ATM: variants seen among roughly 807,000 people sequenced by gnomAD.
ATM encodes the protein serine-protein kinase ATM.
A neutral mutation model predicts 387.0 loss-of-function variants in ATM; 308 were observed. The observed-to-expected ratio is 0.80, with a 90% CI of 0.73 to 0.87. The LOEUF is 0.87. Among genes scored for constraint, ATM ranks in the 40% least tolerant of loss-of-function variants. The pLI, the probability that ATM is intolerant of heterozygous loss-of-function variation, is 0.00. For missense variants in ATM, 3,312 were observed against 3,560.9 expected (o/e 0.93, Z 1.78); for synonymous variants, 1,156 against 1,187.3 (o/e 0.97, Z 0.54).
At chr11:108,327,615 A>G (rs1182109394) in intron 47 of ATM, 30 bp from the exon 48 acceptor site, 2 of 1,553,704 alleles carry the variant, frequency 1.3e-6, no homozygotes, top group Admixed American at 3.3e-5. Context: ...GTAATGCATT[A>G]TATTTTAAGA....
chr11:108,237,614 C>T (rs2079343122), intron 5 of ATM, among the ~76,000 whole-genome samples: 1 of 152,036 alleles, frequency 6.6e-6, no homozygotes, highest in African/African-American at 2.4e-5. Context: ...GTGGAAGAAG[C>T]GAAGTCTGTG....
intron 59 of ATM, among the ~76,000 whole-genome samples, chr11:108,351,647 C>A (rs761982836): frequency 1.3e-4 from 20 of 152,106 alleles, no homozygotes; most frequent in Non-Finnish European, 2.6e-4. Flanking sequence ...ACAATAGTGT[C>A]CTGGACCTAC....
chr11:108,365,055 T>C, intron 61 of ATM, 27 bp from the exon 62 acceptor site: 1 of 1,612,162 alleles, frequency 6.2e-7, no homozygotes, highest in Non-Finnish European at 8.5e-7. Context: ...ACATTGTTCT[T>C]TTAATACATA....
rs1164027219 is a variant in ATM at position 108,248,816 on chromosome 11, A to T, written c.1066-117A>T. ...GGCAGGAGAATCACTTGAACCTGGG[A>T]GGTAGAGGTTGTGGTGATACGAGAT... On this transcript the variant is annotated intron_variant, in intron 8 of 62. Transcript: ENST00000675843. The T allele has an allele frequency of 6.1e-6, 5 of 817,108 alleles. No homozygotes were observed. The East Asian group carries it at 1.4e-4, about 22-fold the overall frequency. 50.6% of individuals were successfully genotyped at this position (817,108 alleles called of 1,614,324 possible).
intron 61 of ATM, among the ~76,000 whole-genome samples, chr11:108,363,444 T>C (rs1053130267): frequency 5.9e-5 from 9 of 152,192 alleles, no homozygotes; most frequent in Non-Finnish European, 8.8e-5. Flanking sequence ...TAAGGAAATA[T>C]ATCTCTCCCT....
rs370680798 is a variant in ATM at position 108,307,915 on chromosome 11, G to A, written c.5693G>A (p.Arg1898Gln). Residue 1898 changes from arginine (R) to glutamine (Q), a missense_variant, in exon 38 of 63, where the codon CGA becomes CAA. Arg to Gln is a conservative substitution (Grantham distance 43). Transcript: ENST00000675843. ...TTGTCAGAGTCAGAGCACTTTTTCC[G>A]ATGCTGTTTGGATAAAAAATCACAA... ...NLDSESEHFF[R>Q]CCLDKKSQRT... 227 of 1,613,628 alleles carry A rather than the reference G, an allele frequency of 1.4e-4. 3 individuals are homozygous for A. The South Asian group carries it at 1.8e-3, about 13-fold the overall frequency.
At chr11:108,267,712 ATG>A (rs1455976310) in intron 17 of ATM, among the ~76,000 whole-genome samples, 296 of 152,094 alleles carry the variant, frequency 1.9e-3, no homozygotes, top group Non-Finnish European at 3.5e-3. Context: ...CAAAAATTAG[ATG>A]GGCGTGGTGG....
intron 47 of ATM, 136 bp from the exon 48 acceptor site, chr11:108,327,509 A>G (rs2085790199): frequency 1.5e-6 from 1 of 666,852 alleles, no homozygotes; most frequent in African/African-American, 1.8e-5. Flanking sequence ...TGGCAAAAGC[A>G]GATGAGGAAA....
intron 40 of ATM, among the ~76,000 whole-genome samples, chr11:108,315,595 A>G (rs949487991): frequency 9.2e-5 from 14 of 152,108 alleles, no homozygotes; most frequent in African/African-American, 2.7e-4. Flanking sequence ...AAAGTTTTCA[A>G]TATATTTATT....
intron 59 of ATM, among the ~76,000 whole-genome samples, chr11:108,352,288 A>G (rs2089303405): frequency 6.6e-6 from 1 of 152,234 alleles, no homozygotes; most frequent in African/African-American, 2.4e-5. Context: ...ATTAAAATAT[A>G]GTAAGTCTCA....
chr11:108,279,349 GTT>G, intron 22 of ATM, 140 bp from the exon 23 acceptor site: 1 of 678,080 alleles, frequency 1.5e-6, no homozygotes, highest in East Asian at 2.7e-5. Flanking sequence ...CTCAGGTTTT[GTT>G]AGTCTTTAAG....
At chr11:108,229,635 G>A in intron 4 of ATM, 1 of 252,490 alleles carries the variant, frequency 4.0e-6, no homozygotes, top group Non-Finnish European at 7.6e-6. Flanking sequence ...TCAAATATTT[G>A]GGGAAATTTA....
At chr11:108,320,213 C>G (rs2085103493) in intron 44 of ATM, among the ~76,000 whole-genome samples, 155 bp downstream of exon 44, 1 of 152,200 alleles carries the variant, frequency 6.6e-6, no homozygotes, top group South Asian at 2.1e-4. Context: ...ATTCTCTGCC[C>G]TCCTTCAAAA....
At chr11:108,361,956 AT>A (rs1472630415) in intron 61 of ATM, among the ~76,000 whole-genome samples, 1 of 139,484 alleles carries the variant, frequency 7.2e-6, no homozygotes, top group Non-Finnish European at 1.6e-5. Flanking sequence ...ATGGGATCTA[AT>A]TAAACTAAAG....
intron 4 of ATM, among the ~76,000 whole-genome samples, chr11:108,233,150 C>T (rs537613996): frequency 1.2e-4 from 18 of 152,350 alleles, no homozygotes; most frequent in South Asian, 4.1e-4. Context: ...GCGTGAGCCA[C>T]TGTGCCCACC....
At chr11:108,274,590 A>G (rs142334717) in intron 22 of ATM, among the ~76,000 whole-genome samples, 1,961 of 152,300 alleles carry the variant, frequency 0.013, 53 homozygotes, top group African/African-American at 0.044. Flanking sequence ...ATTGGTTTCA[A>G]AGAACTTACT....
intron 49 of ATM, 148 bp downstream of exon 49, chr11:108,329,386 T>C (rs1017403682): frequency 5.2e-6 from 4 of 764,470 alleles, no homozygotes; most frequent in Non-Finnish European, 8.4e-6. Flanking sequence ...TCTTGGTCTT[T>C]TGGGTTCTTT....
At chr11:108,325,586 T>A (rs1193796053) in intron 46 of ATM, 42 bp downstream of exon 46, 5 of 1,494,040 alleles carry the variant, frequency 3.3e-6, no homozygotes, top group Non-Finnish European at 4.6e-6. Flanking sequence ...CTCTTGACTT[T>A]CCTTTTATTA....
chr11:108,332,225 C>T (rs930400221), intron 52 of ATM, among the ~76,000 whole-genome samples, 188 bp downstream of exon 52: 1 of 151,920 alleles, frequency 6.6e-6, no homozygotes, highest in African/African-American at 2.4e-5. Context: ...GTCAGAAGTT[C>T]GAGACCATCC....
Sources: allele counts gnomAD v4.1 joint callset (sites outside exome capture counted in the v4.1 genomes callset), GRCh38; gene constraint gnomAD v4.1.1; transcripts MANE v1.5; gene names NCBI Gene and HGNC (gene_info 2026-07-23, HGNC 2026-07-21).